The following USP8 variants were observed in gnomAD, a reference collection of about 807,000 sequenced individuals.
USP8 encodes ubiquitin carboxyl-terminal hydrolase 8.
Under a neutral mutation model 130.0 loss-of-function variants are expected in USP8, and 27 were observed. The observed-to-expected ratio is 0.21, with a 90% CI of 0.15 to 0.29. The LOEUF is 0.29. USP8 is among the 10% of genes least tolerant of loss of function. USP8 has a pLI of 1.00. For missense variants in USP8, 1,029 were observed against 1,312.2 expected (o/e 0.78, Z 3.33); for synonymous variants, 392 against 444.1 (o/e 0.88, Z 1.48).
chr15:50,456,379 A>G (rs527751302), intron 4 of USP8, among the ~76,000 whole-genome samples: 58 of 148,730 alleles, frequency 3.9e-4, no homozygotes, highest in African/African-American at 1.4e-3. Context: ...AGACCGGCCT[A>G]GCCAACATAG....
At position 50,477,589 on chromosome 15, in the gene USP8, C is replaced by G. The variant is rs2051610702; in HGVS notation, c.1218+90C>G. 4 of 1,251,572 alleles carry G rather than the reference C, an allele frequency of 3.2e-6. No homozygotes were observed. The South Asian group carries it at 4.5e-5, about 14-fold the overall frequency. The allele number at this position is 1,251,572 out of a possible 1,614,324, so 77.5% of individuals were successfully genotyped here. A position where few individuals can be genotyped will look rare whatever the true frequency, so the allele number is the denominator to read the frequency against. Reference sequence around the variant, plus strand: ...GCACAGTGCCTCACGCCTGTAATCCCAGCACTTTGGGAGGCTGAGAGGGGC... The same window carrying G: ...GCACAGTGCCTCACGCCTGTAATCCGAGCACTTTGGGAGGCTGAGAGGGGC... On this transcript the variant is annotated intron_variant, in intron 10 of 19. Coordinates refer to ENST00000307179, the MANE Select transcript of USP8 (RefSeq NM_005154.5).
intron 6 of USP8, among the ~76,000 whole-genome samples, chr15:50,462,608 A>G (rs1251756959): frequency 6.6e-6 from 1 of 152,196 alleles, no homozygotes; most frequent in Non-Finnish European, 1.5e-5. Flanking sequence ...TTTCTTTTCA[A>G]CATGCAGTTT....
At chr15:50,492,673 G>A (rs775045871) in intron 14 of USP8, 28 bp from the exon 15 acceptor site, 3 of 1,604,992 alleles carry the variant, frequency 1.9e-6, no homozygotes, top group Admixed American at 3.4e-5. Flanking sequence ...AGCATTTTAA[G>A]ACATCTTGTA....
intron 8 of USP8, among the ~76,000 whole-genome samples, chr15:50,472,779 G>A (rs1221240965): frequency 6.6e-6 from 1 of 151,890 alleles, no homozygotes; most frequent in Non-Finnish European, 1.5e-5. Flanking sequence ...GCATGGTGGT[G>A]TGCACCTGTA....
intron 7 of USP8, 37 bp from the exon 8 acceptor site, chr15:50,471,596 T>G (rs1210745125): frequency 6.3e-7 from 1 of 1,599,062 alleles, no homozygotes; most frequent in Non-Finnish European, 8.5e-7. Context: ...GACCTCTTGT[T>G]GACTTTTGCC....
Position 50,494,272 on chromosome 15 carries a change from C to G in USP8, c.2650C>G (p.Leu884Val), listed in dbSNP as rs1297132876. 1.3e-6 allele frequency: 2 copies of G among 1,598,630 alleles called. No individual in the cohort carries two copies. The highest frequency in any genetic ancestry group is 1.7e-6 in the Non-Finnish European group (2 of 1,175,796). Residue 884 changes from leucine to valine, a missense_variant, in exon 16 of 20, where the codon CTA becomes GTA. By Grantham distance (32) the Leu-to-Val change is conservative. Coordinates refer to ENST00000307179, the MANE Select transcript of USP8 (RefSeq NM_005154.5). Reference sequence around the variant, plus strand: ...CCTAATGGATGGTCTCCATGAAGATCTAAATAAAGTAAGAAATTTGATTTT... The same window carrying G: ...CCTAATGGATGGTCTCCATGAAGATGTAAATAAAGTAAGAAATTTGATTTT... ...LFLMDGLHEDLNKADNRKRYK... is the reference protein window; with the variant it reads ...LFLMDGLHEDVNKADNRKRYK...
At chr15:50,495,035 AAATT>A (rs1360819160) in intron 16 of USP8, among the ~76,000 whole-genome samples, 1 of 151,890 alleles carries the variant, frequency 6.6e-6, no homozygotes, top group Non-Finnish European at 1.5e-5. Flanking sequence ...AAAAAAAAAA[AAATT>A]ACTCCATGTA....
rs75098660 is a variant in USP8 at position 50,462,455 on chromosome 15, C to G, written c.541+133C>G. 4,591 of 710,612 alleles carry G rather than the reference C, an allele frequency of 6.5e-3. 167 individuals are homozygous for G. The African/African-American group carries it at 0.08, about 12-fold the overall frequency. The allele number at this position is 710,612 out of a possible 1,614,324, so 44.0% of individuals were successfully genotyped here. A position where few individuals can be genotyped will look rare whatever the true frequency, so the allele number is the denominator to read the frequency against. On this transcript the variant is annotated intron_variant, in intron 6 of 19. Coordinates refer to ENST00000307179, the MANE Select transcript of USP8 (RefSeq NM_005154.5). ...CTCTATGTAAGCTTTATCATTTTTC[C>G]TAGTCTGTACAATTATATTGAAAAT...
In USP8 at chr15:50,510,846, G is replaced by T. The variant is rs367998958; in HGVS notation, c.*11758G>T. 3.3e-5 allele frequency: 5 copies of T among 151,724 alleles called. No individual in the cohort carries two copies. Among genetic ancestry groups the T allele is most frequent in the Non-Finnish European group, 5.9e-5 (4 of 67,980 alleles). The allele number at this position is 151,724 out of a possible 1,614,324, so 9.4% of individuals were successfully genotyped here. A position where few individuals can be genotyped will look rare whatever the true frequency, so the allele number is the denominator to read the frequency against. On this transcript the variant is annotated 3_prime_UTR_variant, in exon 20 of 20. Coordinates refer to ENST00000307179, the MANE Select transcript of USP8 (RefSeq NM_005154.5). The stretch of plus-strand genomic sequence containing the variant: ...GGCTGGAGTGCAGTGGCGCTATCTC[G>T]GCTCACTGCAAGCTCCGCCTCCTGG...
chr15:50,478,783 C>T (rs1262562111), intron 10 of USP8, among the ~76,000 whole-genome samples: 3 of 152,144 alleles, frequency 2.0e-5, no homozygotes, highest in Non-Finnish European at 2.9e-5. Context: ...GGCTGGGTGC[C>T]ATGGCTCGTG....
chr15:50,450,252 C>T (rs184209705), intron 4 of USP8, among the ~76,000 whole-genome samples: 1 of 151,944 alleles, frequency 6.6e-6, no homozygotes, highest in Admixed American at 6.6e-5. Flanking sequence ...AAATTCAATT[C>T]TTCATATGTT....
chr15:50,486,765 A>C (rs1246437487), intron 12 of USP8, among the ~76,000 whole-genome samples: 1 of 152,192 alleles, frequency 6.6e-6, no homozygotes, highest in Admixed American at 6.5e-5. Context: ...GCAAGAGATA[A>C]AAGACTACAA....
At chr15:50,430,579 A>ATT (rs527657343) in intron 1 of USP8, among the ~76,000 whole-genome samples, 1 of 147,832 alleles carries the variant, frequency 6.8e-6, no homozygotes, top group Admixed American at 6.8e-5. Flanking sequence ...TTATTTTTTT[A>ATT]TTTTTTTTTT....
At chr15:50,471,571 C>T (rs1439727987) in intron 7 of USP8, 62 bp from the exon 8 acceptor site, 3 of 1,554,606 alleles carry the variant, frequency 1.9e-6, no homozygotes, top group Non-Finnish European at 2.6e-6. Context: ...TGAGTGTCTT[C>T]TGTTAGTATA....
chr15:50,495,990 T>C lies in USP8; in HGVS notation c.2801T>C (p.Val934Ala). ...ALFQGQFKST[V>A]QCLTCHKKSR... ...TTTCAGGGTCAATTCAAATCTACAG[T>C]ACAGTGCCTCACATGTCACAAAAAG... The change falls in exon 17 of 20, where the codon GTA becomes GCA. Residue 934 changes from valine to alanine, a missense_variant. Transcript: ENST00000307179. 1 of 1,614,004 alleles carries C rather than the reference T, an allele frequency of 6.2e-7. No individual in the cohort carries two copies.
chr15:50,496,897 C>T lies in USP8; in HGVS notation c.2896-192C>T. On this transcript the variant is annotated intron_variant, in intron 17 of 19. Coordinates refer to ENST00000307179, the MANE Select transcript of USP8 (RefSeq NM_005154.5). ...ACAACACACTGTAGGTAGCACTCAC[C>T]ACACTCTGTGCTGTCATTGTTCACT... The T allele has an allele frequency of 4.8e-6, 3 of 629,584 alleles. No individual in the cohort carries two copies. In the South Asian group the frequency reaches 7.4e-5, roughly 16 times the overall value. 39.0% of individuals were successfully genotyped at this position (629,584 alleles called of 1,614,324 possible).
chr15:50,478,104 T>G (rs891593598), intron 10 of USP8, among the ~76,000 whole-genome samples: 2 of 152,200 alleles, frequency 1.3e-5, no homozygotes, highest in Non-Finnish European at 2.9e-5. Context: ...ATAGCCCTTT[T>G]GGGATTTTTT....
At chr15:50,472,053 AC>A (rs1234498930) in intron 8 of USP8, among the ~76,000 whole-genome samples, 7 of 151,926 alleles carry the variant, frequency 4.6e-5, no homozygotes, top group Non-Finnish European at 1.0e-4. Context: ...GGCGTGAGCC[AC>A]CACACCAGGC....
In USP8 at chr15:50,465,200, TTGTGTAGTAAAGTAGTAAAC is replaced by T. The variant is rs1263019881; in HGVS notation, c.686+20_686+39del. ...GAAGCCATCAGTCCAGGGTGGGTTATTGTGTAGTAAAGTAGTAAACTGTGTAGTAAGTAGTAAACTGTGGA... is the reference window on the plus strand; with the variant it reads ...GAAGCCATCAGTCCAGGGTGGGTTATTGTGTAGTAAGTAGTAAACTGTGGA... On this transcript the variant is annotated intron_variant, in intron 7 of 19. Transcript: ENST00000307179. The T allele has an allele frequency of 3.1e-6, 5 of 1,612,316 alleles. No homozygotes were observed. In the South Asian group the frequency reaches 5.5e-5, roughly 18 times the overall value.
Sources: allele counts gnomAD v4.1 joint callset (sites outside exome capture counted in the v4.1 genomes callset), GRCh38; gene constraint gnomAD v4.1.1; transcripts MANE v1.5; gene names NCBI Gene and HGNC (gene_info 2026-07-23, HGNC 2026-07-21).